KLRG1: variants seen among roughly 807,000 people sequenced by gnomAD.
KLRG1 encodes the protein killer cell lectin-like receptor subfamily G member 1.
A neutral mutation model predicts 21.8 loss-of-function variants in KLRG1; 16 were observed. The observed-to-expected ratio is 0.73, with a 90% CI of 0.50 to 1.11. The LOEUF (loss-of-function observed/expected upper bound fraction) is 1.11. KLRG1 is among the 50% of genes most tolerant of loss of function. The pLI is 0.00. For synonymous variants in KLRG1, 69 were observed against 75.9 expected (o/e 0.91, Z 0.47); for missense variants, 173 against 218.3 (o/e 0.79, Z 1.31).
At chr12:9,192,324 A>C in the KLRG1 span, 3 of 1,477,326 alleles carry the variant, frequency 2.0e-6, no homozygotes, top group Admixed American at 3.4e-5. Flanking sequence ...TATTCCCCAC[A>C]TGACCCACTT....
intron 3 of KLRG1, among the ~76,000 whole-genome samples, chr12:9,000,028 C>G (rs1317663215): frequency 6.6e-6 from 1 of 152,130 alleles, no homozygotes; most frequent in African/African-American, 2.4e-5. Context: ...GAGTGATACT[C>G]TGTCTCAAAA....
the KLRG1 span, chr12:9,089,832 C>A: frequency 1.0e-6 from 1 of 969,360 alleles, no homozygotes; most frequent in Non-Finnish European, 1.5e-6. Flanking sequence ...TATAAAATAT[C>A]CATATATTAT....
At chr12:9,187,795 T>A in the KLRG1 span, among the ~76,000 whole-genome samples, 1 of 152,222 alleles carries the variant, frequency 6.6e-6, no homozygotes, top group South Asian at 2.1e-4. Flanking sequence ...GCTGTGCAGG[T>A]GATCCATGCT....
intron 1 of KLRG1, among the ~76,000 whole-genome samples, chr12:8,970,033 C>A (rs2137250409): frequency 6.6e-6 from 1 of 152,238 alleles, no homozygotes; most frequent in South Asian, 2.1e-4. Flanking sequence ...GGAGGATTGC[C>A]TAAGCCTGGG....
At chr12:9,164,437 T>C in the KLRG1 span, among the ~76,000 whole-genome samples, 1 of 152,224 alleles carries the variant, frequency 6.6e-6, no homozygotes, top group African/African-American at 2.4e-5. Flanking sequence ...CAAATCAAGA[T>C]TGGTTGTGTA....
At chr12:8,983,726 C>T (rs2137299135) in intron 1 of KLRG1, among the ~76,000 whole-genome samples, 1 of 152,198 alleles carries the variant, frequency 6.6e-6, no homozygotes, top group East Asian at 1.9e-4. Flanking sequence ...AAGATGACAT[C>T]TCATTGCTTT....
At chr12:9,034,086 T>G in the KLRG1 span, among the ~76,000 whole-genome samples, 7 of 152,200 alleles carry the variant, frequency 4.6e-5, no homozygotes, top group African/African-American at 1.7e-4. Context: ...ATTTGTGTAT[T>G]GTATCAGTCA....
chr12:9,150,014 A>G, the KLRG1 span, among the ~76,000 whole-genome samples: 1 of 152,126 alleles, frequency 6.6e-6, no homozygotes. Flanking sequence ...CTAGGATCCA[A>G]ATCAGATCTT....
chr12:9,192,136 A>T, the KLRG1 span: 2 of 1,424,968 alleles, frequency 1.4e-6, no homozygotes, highest in South Asian at 2.3e-5. Flanking sequence ...ACTGTCACCG[A>T]GGGAAGGGTA....
At chr12:9,138,602 A>C in the KLRG1 span, among the ~76,000 whole-genome samples, 1 of 151,986 alleles carries the variant, frequency 6.6e-6, no homozygotes, top group South Asian at 2.1e-4. Flanking sequence ...TGTGTATTAG[A>C]ATCTACCTGT....
the KLRG1 span, among the ~76,000 whole-genome samples, chr12:9,202,892 A>G: frequency 6.9e-3 from 1,045 of 152,304 alleles, 10 homozygotes; most frequent in African/African-American, 0.023. Flanking sequence ...CCAGATCTCC[A>G]TGGAGTTCAC....
the KLRG1 span, among the ~76,000 whole-genome samples, chr12:9,106,898 C>T: frequency 2.6e-5 from 4 of 152,034 alleles, no homozygotes; most frequent in Non-Finnish European, 5.9e-5. Flanking sequence ...AATATTTATA[C>T]ATATTTATGG....
the KLRG1 span, among the ~76,000 whole-genome samples, chr12:9,182,492 T>A: frequency 6.6e-6 from 1 of 152,216 alleles, no homozygotes; most frequent in South Asian, 2.1e-4. Flanking sequence ...AGAGCTATAA[T>A]TTGTAAGATA....
the KLRG1 span, chr12:9,109,306 A>T: frequency 1.3e-5 from 20 of 1,594,782 alleles, no homozygotes; most frequent in East Asian, 1.6e-4. Context: ...AAAGATTTTT[A>T]AAAAATGAAC....
intron 1 of KLRG1, among the ~76,000 whole-genome samples, chr12:8,974,154 TTTG>T (rs1473486462): frequency 6.8e-6 from 1 of 146,536 alleles, no homozygotes; most frequent in Non-Finnish European, 1.5e-5. Context: ...TTTTTGTTTT[TTTG>T]TTTGTTTGTT....
chr12:9,141,633 A>C, the KLRG1 span, among the ~76,000 whole-genome samples: 1 of 152,200 alleles, frequency 6.6e-6, no homozygotes. Flanking sequence ...ATTTTATTCA[A>C]CTTAAAACAA....
At chr12:8,952,513 A>T (rs761920628) in intron 1 of KLRG1, among the ~76,000 whole-genome samples, 1 of 152,160 alleles carries the variant, frequency 6.6e-6, no homozygotes, top group African/African-American at 2.4e-5. Context: ...CAAAATGATC[A>T]TGTTTTCCAT....
the KLRG1 span, among the ~76,000 whole-genome samples, chr12:9,120,886 T>TGTGTGTGTGTA: frequency 4.5e-4 from 67 of 148,020 alleles, no homozygotes; most frequent in South Asian, 1.5e-3. Flanking sequence ...TGTGTGTGTA[T>TGTGTGTGTGTA]TTTTTTTTTT....
the KLRG1 span, among the ~76,000 whole-genome samples, chr12:9,043,811 T>G: frequency 1.3e-5 from 2 of 152,266 alleles, no homozygotes; most frequent in Non-Finnish European, 2.9e-5. Flanking sequence ...AGCTTCTTCC[T>G]ATAGTTTTTG....
Sources: gnomAD v4.1 joint callset for allele counts (sites outside exome capture counted in the v4.1 genomes callset) on GRCh38, gnomAD v4.1.1 for gene constraint, MANE v1.5 for transcripts, NCBI Gene and HGNC (gene_info 2026-07-23, HGNC 2026-07-21) for gene names.